The following BTD variants were observed in gnomAD, a reference collection of about 807,000 sequenced individuals.
BTD encodes biotinidase, also known as biocytinase.
BTD carries 13 observed loss-of-function variants against 17.7 expected under a neutral mutation model. That is an observed-to-expected ratio of 0.74 (90% confidence interval 0.48 to 1.17). BTD has a LOEUF of 1.17. BTD is among the 50% of genes most tolerant of loss of function. The probability of loss-of-function intolerance (pLI) is 0.00; values close to 1 mark genes in which losing one functional copy is unlikely to be tolerated. For missense variants in BTD, 674 were observed against 650.4 expected, an observed-to-expected ratio of 1.04 and a Z score of -0.39; for synonymous variants, 240 against 245.2, an observed-to-expected ratio of 0.98 and a Z score of 0.20.
At chr3:15,678,476 C>G in intron 3 of BTD, 1 of 833,154 alleles carries the variant, frequency 1.2e-6, no homozygotes, top group Admixed American at 3.4e-5. Flanking sequence ...AAAAGCACTG[C>G]CTGTACACAA....
chr3:15,627,348 G>A (rs1052052158), intron 1 of BTD, among the ~76,000 whole-genome samples: 4 of 152,130 alleles, frequency 2.6e-5, no homozygotes, highest in African/African-American at 9.7e-5. Flanking sequence ...TCATCCTTCC[G>A]AGTAGCTAGG....
At chr3:15,719,127 G>A (rs1008340011) in intron 4 of BTD, among the ~76,000 whole-genome samples, 1 of 152,146 alleles carries the variant, frequency 6.6e-6, no homozygotes, top group Non-Finnish European at 1.5e-5. Flanking sequence ...GGCACTTTGT[G>A]ACATCTCATG....
chr3:15,643,674 T>A (rs550867591), intron 3 of BTD, among the ~76,000 whole-genome samples: 3 of 152,222 alleles, frequency 2.0e-5, no homozygotes, highest in Admixed American at 1.3e-4. Context: ...CCTGTTTATA[T>A]CCTTTGCACA....
chr3:15,721,723 A>G (rs551780953), intron 4 of BTD, among the ~76,000 whole-genome samples: 1 of 152,290 alleles, frequency 6.6e-6, no homozygotes, highest in South Asian at 2.1e-4. Flanking sequence ...AAAAATGAGA[A>G]ACAATTCATG....
chr3:15,709,633 A>T (rs1559380289), intron 3 of BTD: 1 of 1,440,388 alleles, frequency 6.9e-7, no homozygotes, highest in Non-Finnish European at 9.4e-7. Context: ...ATTAAGTAAA[A>T]ATAGGCTCCA....
chr3:15,672,628 G>C (rs1194036231), intron 3 of BTD, among the ~76,000 whole-genome samples: 1 of 152,162 alleles, frequency 6.6e-6, no homozygotes, highest in Non-Finnish European at 1.5e-5. Flanking sequence ...TTCTTCTAAA[G>C]GTGCCTGCTG....
At chr3:15,703,868 T>C (rs924754887) in intron 3 of BTD, among the ~76,000 whole-genome samples, 1 of 152,196 alleles carries the variant, frequency 6.6e-6, no homozygotes, top group African/African-American at 2.4e-5. Context: ...CTTTATAACA[T>C]ATACCAGGAC....
At chr3:15,642,841 T>A (rs1026163449) in intron 3 of BTD, among the ~76,000 whole-genome samples, 4 of 151,958 alleles carry the variant, frequency 2.6e-5, no homozygotes, top group Non-Finnish European at 4.4e-5. Flanking sequence ...CATGTTCAAG[T>A]TTTTCTGTAA....
intron 2 of BTD, among the ~76,000 whole-genome samples, chr3:15,637,770 C>T (rs1035676199): frequency 6.6e-6 from 1 of 152,216 alleles, no homozygotes; most frequent in African/African-American, 2.4e-5. Flanking sequence ...CCCTATCCAC[C>T]GGACCATTCT....
chr3:15,606,271 T>C (rs2064451620), intron 1 of BTD, among the ~76,000 whole-genome samples: 1 of 152,182 alleles, frequency 6.6e-6, no homozygotes. Flanking sequence ...TGAATCAGCA[T>C]CTTAGGACAA....
rs550934258 is a variant in BTD, at chr3:15,623,639, C to T, written c.-16-11785C>T. Among the ~76,000 whole-genome samples, 3 of 152,278 alleles carry T rather than the reference C, an allele frequency of 2.0e-5. No homozygotes were observed. In the South Asian group the frequency reaches 6.2e-4, roughly 32 times the overall value. ...TGGCTCTGTGTTCCCACCCAAATCT[C>T]ATGTTGAGTTGTGTGGCCTGGTGGG... is the stretch of plus-strand genomic sequence containing the variant. On this transcript the variant is annotated intron_variant, in intron 1 of 3. Transcript: ENST00000643237.
chr3:15,643,568 A>AT (rs1342789436), intron 3 of BTD, among the ~76,000 whole-genome samples: 4 of 151,972 alleles, frequency 2.6e-5, no homozygotes, highest in Non-Finnish European at 2.9e-5. Context: ...AATGATAGCT[A>AT]TTTCATTGTT....
downstream of BTD, among the ~76,000 whole-genome samples, chr3:15,654,449 G>A (rs1482938934): frequency 6.6e-6 from 1 of 152,128 alleles, no homozygotes; most frequent in East Asian, 1.9e-4. Flanking sequence ...AAGCCATGAG[G>A]ACTCACTGAG....
In BTD at chr3:15,645,123, T is replaced by C. The variant is rs397514412; in HGVS notation, c.1207T>C (p.Cys403Arg). 2 of 1,614,086 alleles carry C rather than the reference T, an allele frequency of 1.2e-6. No homozygotes were observed. Among genetic ancestry groups the C allele is most frequent in the Non-Finnish European group, 1.7e-6 (2 of 1,180,050 alleles). Residue 403 changes from cysteine (C) to arginine (R), a missense_variant, in exon 4 of 4, where the codon TGC becomes CGC. By Grantham distance (180) the Cys-to-Arg change is radical. Coordinates refer to ENST00000643237, the MANE Select transcript of BTD (RefSeq NM_001370658.1). ...GYLHVCSNGL[C>R]CYLLYERPTL... Reference sequence around the variant, plus strand: ...TCTCCACGTCTGTTCCAATGGCCTCTGCTGTTATTTACTTTACGAGAGGCC... The same window carrying C: ...TCTCCACGTCTGTTCCAATGGCCTCCGCTGTTATTTACTTTACGAGAGGCC...
chr3:15,702,644 T>G (rs1318707930), intron 3 of BTD, among the ~76,000 whole-genome samples: 1 of 152,184 alleles, frequency 6.6e-6, no homozygotes, highest in East Asian at 1.9e-4. Flanking sequence ...TCATGAACCC[T>G]ACTATTTTGA....
At chr3:15,676,665 A>T (rs1361101923) in intron 3 of BTD, 4 of 227,444 alleles carry the variant, frequency 1.8e-5, no homozygotes, top group Non-Finnish European at 3.5e-5. Context: ...CAAGTAACAT[A>T]TTATTACAGT....
exon 4 of BTD, among the ~76,000 whole-genome samples, chr3:15,710,568 T>A (rs1382473242): frequency 6.6e-6 from 1 of 152,216 alleles, no homozygotes; most frequent in Non-Finnish European, 1.5e-5. Flanking sequence ...TAAGAAATTA[T>A]CATTGAGAAT....
chr3:15,626,404 C>T (rs565842328), intron 1 of BTD, among the ~76,000 whole-genome samples: 49 of 152,282 alleles, frequency 3.2e-4, no homozygotes, highest in African/African-American at 1.0e-3. Flanking sequence ...TCATGGAAGA[C>T]GCTGAAACCT....
intron 3 of BTD, chr3:15,694,677 AG>A: frequency 1.4e-6 from 2 of 1,416,080 alleles, no homozygotes; most frequent in Non-Finnish European, 2.0e-6. Context: ...CAACACAAAT[AG>A]GTTATTAGAT....
Sources: gnomAD v4.1 joint callset for allele counts (sites outside exome capture counted in the v4.1 genomes callset) on GRCh38, gnomAD v4.1.1 for gene constraint, MANE v1.5 for transcripts, NCBI Gene and HGNC (gene_info 2026-07-23, HGNC 2026-07-21) for gene names.